Variants in EMC7 observed in about 807,000 individuals in gnomAD.
EMC7 encodes the protein endoplasmic reticulum membrane protein complex subunit 7.
A neutral mutation model predicts 24.4 loss-of-function variants in EMC7; 4 were observed. The ratio of observed to expected loss-of-function variants is 0.16; its 90% CI spans 0.08 to 0.38. EMC7 has a LOEUF of 0.38. Among genes scored for constraint, EMC7 ranks in the 10% least tolerant of loss-of-function variants. EMC7 has a pLI of 1.00. For synonymous variants in EMC7, 106 were observed against 112.0 expected, an observed-to-expected ratio of 0.95 and a Z score of 0.34; for missense variants, 221 against 300.6, an observed-to-expected ratio of 0.74 and a Z score of 1.96.
intron 4 of EMC7, chr15:34,086,346 AG>A (rs1439150878): frequency 4.6e-6 from 1 of 218,744 alleles, no homozygotes; most frequent in Non-Finnish European, 9.5e-6. Flanking sequence ...CCACCTCTGC[AG>A]GCAGTGCCAA....
chr15:34,089,057 C>T (rs961836967), intron 3 of EMC7, among the ~76,000 whole-genome samples: 5 of 152,100 alleles, frequency 3.3e-5, no homozygotes, highest in Admixed American at 2.0e-4. Flanking sequence ...GAGGTTTCAC[C>T]ATGTTGGCCA....
At chr15:34,088,004 G>A in intron 4 of EMC7, 49 bp downstream of exon 4, 2 of 1,496,458 alleles carry the variant, frequency 1.3e-6, no homozygotes, top group Non-Finnish European at 1.8e-6. Flanking sequence ...AGCAACAGAG[G>A]CTCTATCTCT....
chr15:34,099,301 G>A (rs1901138229), intron 1 of EMC7, among the ~76,000 whole-genome samples: 1 of 152,010 alleles, frequency 6.6e-6, no homozygotes, highest in African/African-American at 2.4e-5. Flanking sequence ...AAAAAGTATA[G>A]AATATAATAT....
intron 3 of EMC7, among the ~76,000 whole-genome samples, chr15:34,088,915 G>A (rs549683883): frequency 6.6e-5 from 10 of 152,170 alleles, no homozygotes; most frequent in Admixed American, 1.3e-4. Context: ...AAGTGTGGTG[G>A]TGCAATCTTG....
chr15:34,100,193 T>G (rs1264772759), intron 1 of EMC7, among the ~76,000 whole-genome samples: 1 of 152,092 alleles, frequency 6.6e-6, no homozygotes, highest in African/African-American at 2.4e-5. Context: ...ATTAAAAAAT[T>G]AGCTGGACAT....
At chr15:34,101,114 G>C (rs961304737) in intron 1 of EMC7, 1 of 152,376 alleles carries the variant, frequency 6.6e-6, no homozygotes, top group African/African-American at 2.4e-5. Context: ...TTTAGAAGCA[G>C]TAACATTAGC....
Position 34,090,228 on chromosome 15 carries a change from A to G in EMC7, c.495+89T>C, listed in dbSNP as rs1053694032. The G allele has an allele frequency of 4.7e-5, 63 of 1,342,298 alleles. No homozygotes were observed. The African/African-American group carries it at 8.7e-4, about 19-fold the overall frequency. The allele number at this position is 1,342,298 out of a possible 1,614,324, so 83.1% of individuals were successfully genotyped here. On this transcript the variant is annotated intron_variant, in intron 3 of 4. Transcript: ENST00000256545. ...TCCTTTCATCCACCAATCTGACCTC[A>G]GCTTTCTATCTCACAGAGGTTTGAA...
At chr15:34,084,507 A>G (rs376562708) in intron 4 of EMC7, 21 bp from the exon 5 acceptor site, 1 of 1,608,518 alleles carries the variant, frequency 6.2e-7, no homozygotes, top group East Asian at 2.2e-5. Flanking sequence ...ACAAGGCACA[A>G]TGATATGTAG....
intron 4 of EMC7, chr15:34,085,835 C>T (rs1160952461): frequency 7.3e-6 from 1 of 136,616 alleles, no homozygotes; most frequent in Non-Finnish European, 1.5e-5. Context: ...TCTGAAGCTC[C>T]CCTTTTTTTT....
intron 4 of EMC7, among the ~76,000 whole-genome samples, chr15:34,084,951 C>T (rs891909649): frequency 6.6e-6 from 1 of 151,420 alleles, no homozygotes; most frequent in Non-Finnish European, 1.5e-5. Flanking sequence ...TGTGATTCTG[C>T]TTGTCTTAAT....
At chr15:34,087,799 T>C (rs963446125) in intron 4 of EMC7, among the ~76,000 whole-genome samples, 10 of 152,154 alleles carry the variant, frequency 6.6e-5, no homozygotes. Context: ...TAGAATAAAA[T>C]TGAGAAAAAC....
At position 34,089,918 on chromosome 15, in the gene EMC7, T is replaced by C. The variant is rs563449249; in HGVS notation, c.495+399A>G. Among the ~76,000 whole-genome samples the C allele has an allele frequency of 2.7e-3, 406 of 152,234 alleles. 2 individuals carry two copies. The highest frequency in any genetic ancestry group is 9.5e-3 in the African/African-American group (393 of 41,536). ...TTGTGGTGAGCCGAGATCGCACCATTGCACTCCAGCCTGGCCAACAAGAGC... is the reference window on the plus strand; with the variant it reads ...TTGTGGTGAGCCGAGATCGCACCATCGCACTCCAGCCTGGCCAACAAGAGC... On this transcript the variant is annotated intron_variant, in intron 3 of 4. Transcript: ENST00000256545.
At chr15:34,099,549 C>T (rs1226111971) in intron 1 of EMC7, among the ~76,000 whole-genome samples, 1 of 152,188 alleles carries the variant, frequency 6.6e-6, no homozygotes, top group African/African-American at 2.4e-5. Context: ...TACAAATTAC[C>T]TACCCCTTTT....
At position 34,095,911 on chromosome 15, in the gene EMC7, A is replaced by C. The variant is rs1204775130; in HGVS notation, c.340T>G (p.Ser114Ala). 3 of 1,606,026 alleles carry C rather than the reference A, an allele frequency of 1.9e-6. No individual in the cohort carries two copies. The highest frequency in any genetic ancestry group is 2.6e-6 in the Non-Finnish European group (3 of 1,174,400). ...TGCCCTCACCTCATTTTTCCTTTCG[A>C]AGTGATATCCACTCGAACGGGATCA... Reference protein sequence around the residue: ...RFDPVRVDITSKGKMRARYVN... With the variant: ...RFDPVRVDITAKGKMRARYVN... The change falls in exon 2 of 5, where the codon TCG becomes GCG. Residue 114 changes from serine (S) to alanine (A), a missense_variant. Ser to Ala is a moderately conservative substitution (Grantham distance 99). This residue lies in a region of EMC7 where 156 missense variants were observed against 177.1 expected (regional missense o/e 0.88). Coordinates refer to ENST00000256545, the MANE Select transcript of EMC7 (RefSeq NM_020154.3).
Position 34,084,395 on chromosome 15 carries a change from G to A in EMC7, c.668C>T (p.Ser223Phe). ...ACTGCTGCCGCTGCTAGATTTGCCA[G>A]ATGATTTTGAAGAGAAGAGTCTTGT... ...FMTRLFSSKS[S>F]GKSSSGSSKT... The change falls in exon 5 of 5, where the codon TCT becomes TTT. Residue 223 changes from serine (S) to phenylalanine (F), a missense_variant. Ser to Phe is a radical substitution (Grantham distance 155). Around this residue, in one of 2 missense-constraint regions of EMC7, gnomAD observed 65 missense variants for 123.4 expected, o/e 0.53. Transcript: ENST00000256545. 1.2e-6 allele frequency: 2 copies of A among 1,613,760 alleles called. No individual in the cohort carries two copies. The highest frequency in any genetic ancestry group is 1.3e-5 in the African/African-American group (1 of 75,044).
rs1900958856 is a variant in EMC7, at chr15:34,090,407, G to A, written c.405C>T (p.Pro135=). The change falls in exon 3 of 5, where the codon CCC becomes CCT. Residue 135 remains proline (P), a synonymous_variant. Coordinates refer to ENST00000256545, the MANE Select transcript of EMC7 (RefSeq NM_020154.3). ...YIKTSEVVRL[P]YPLQMKSSGP... ...CTGAAGATTTCATTTGGAGAGGATA[G>A]GGCAGTCTGACAACCTCTGATGTTT... is the stretch of plus-strand genomic sequence containing the variant. 6.2e-7 allele frequency: 1 copy of A among 1,613,994 alleles called. No homozygotes were observed.
chr15:34,092,293 A>ACACACACACACACAC (rs1555523196), intron 2 of EMC7, among the ~76,000 whole-genome samples: 31 of 151,732 alleles, frequency 2.0e-4, no homozygotes, highest in South Asian at 4.2e-4. Flanking sequence ...ACACACACAC[A>ACACACACACACACAC]AAGAATTAGG....
chr15:34,101,523 G>T, intron 1 of EMC7, 81 bp downstream of exon 1: 1 of 1,454,328 alleles, frequency 6.9e-7, no homozygotes. Context: ...ACGTTGTCCC[G>T]TCCTGACACT....
rs1217602306 is a variant in EMC7 at position 34,084,391 on chromosome 15, G to A, written c.672C>T (p.Gly224=). Residue 224 remains glycine, a synonymous_variant, in exon 5 of 5, where the codon GGC becomes GGT. Coordinates refer to ENST00000256545, the MANE Select transcript of EMC7 (RefSeq NM_020154.3). ...TTTTACTGCTGCCGCTGCTAGATTTGCCAGATGATTTTGAAGAGAAGAGTC... is the reference window on the plus strand; with the variant it reads ...TTTTACTGCTGCCGCTGCTAGATTTACCAGATGATTTTGAAGAGAAGAGTC... ...MTRLFSSKSS[G]KSSSGSSKTG... 4.3e-6 allele frequency: 7 copies of A among 1,613,570 alleles called. No individual in the cohort carries two copies. Among genetic ancestry groups the A allele is most frequent in the Non-Finnish European group, 5.1e-6 (6 of 1,179,722 alleles).
Sources: allele counts gnomAD v4.1 joint callset (sites outside exome capture counted in the v4.1 genomes callset), GRCh38; gene constraint gnomAD v4.1.1; regional missense constraint gnomAD v4.1.1; transcripts MANE v1.5; gene names NCBI Gene and HGNC (gene_info 2026-07-23, HGNC 2026-07-21).